The following PRRT1 variants were observed in gnomAD, a reference collection of about 807,000 sequenced individuals.
PRRT1 encodes proline rich transmembrane protein 1.
A neutral mutation model predicts 22.6 loss-of-function variants in PRRT1; 8 were observed. The ratio of observed to expected loss-of-function variants is 0.35; its 90% CI spans 0.21 to 0.64. PRRT1 has a LOEUF of 0.64. Ranked by LOEUF, PRRT1 falls within the 30% of genes least tolerant of loss-of-function variation. The pLI, the probability that PRRT1 is intolerant of heterozygous loss-of-function variation, is 0.69. For missense variants in PRRT1, 315 were observed against 444.5 expected (o/e 0.71, Z 2.62); for synonymous variants, 176 against 203.6 (o/e 0.86, Z 1.15).
chr6:32,150,579 G>C lies in PRRT1; in HGVS notation c.347C>G (p.Thr116Ser), dbSNP rs1783205013. The C allele has an allele frequency of 1.5e-6, 2 of 1,368,356 alleles. No individual in the cohort carries two copies. The highest frequency in any genetic ancestry group is 8.0e-5 in the Admixed American group (2 of 24,894). 84.8% of individuals were successfully genotyped at this position (1,368,356 alleles called of 1,614,324 possible). A position where few individuals can be genotyped will look rare whatever the true frequency, so the allele number is the denominator to read the frequency against. ...RMPPDPYLQE[T>S]RFEGPLPPPP... ...CGGGGGAAGTGGGCCCTCGAAGCGA[G>C]TCTCCTGCAGGTAAGGGTCGGGTGG... Residue 116 changes from threonine (T) to serine (S), a missense_variant, in exon 2 of 4, where the codon ACT (threonine) becomes AGT (serine). Thr to Ser is a moderately conservative substitution (Grantham distance 58). This residue lies in a region of PRRT1 where 263 missense variants were observed against 328.5 expected (regional missense o/e 0.80). Transcript: ENST00000211413. This position sits in a 1 kb window ranked among gnomAD's most constrained non-coding sequence, Gnocchi z 7.2.
At position 32,151,850 on chromosome 6, in the gene PRRT1, G is replaced by A; in HGVS notation, c.-23C>T. ...CATGCCTGCGGTCTCGCTGGGACAGGGTCCCTGCAGCCGGAGTGGGGGTCC... is the reference window on the plus strand; with the variant it reads ...CATGCCTGCGGTCTCGCTGGGACAGAGTCCCTGCAGCCGGAGTGGGGGTCC... On this transcript the variant is annotated 5_prime_UTR_variant, in exon 1 of 4. Coordinates refer to ENST00000211413, the MANE Select transcript of PRRT1 (RefSeq NM_030651.4). 1 of 1,609,098 alleles carries A rather than the reference G, an allele frequency of 6.2e-7. No individual in the cohort carries two copies. Among genetic ancestry groups the A allele is most frequent in the Non-Finnish European group, 8.5e-7 (1 of 1,178,146 alleles).
Position 32,150,755 on chromosome 6 carries a change from C to A in PRRT1, c.171G>T (p.Pro57=). The change falls in exon 2 of 4, where the codon CCG becomes CCT. Residue 57 remains proline (P), a synonymous_variant. Coordinates refer to ENST00000211413, the MANE Select transcript of PRRT1 (RefSeq NM_030651.4). The surrounding 1 kb of genome is among the most constrained non-coding windows in gnomAD (Gnocchi z 7.2). ...AGGCCAGGCCCCCTGCCCCTAAGCGCGGGAGGGTGGCGGTGCCAGACTGAT... is the reference window on the plus strand; with the variant it reads ...AGGCCAGGCCCCCTGCCCCTAAGCGAGGGAGGGTGGCGGTGCCAGACTGAT... ...HYHQSGTATL[P]RLGAGGLASS... is the part of the protein sequence containing the mutation. 1.3e-6 allele frequency: 2 copies of A among 1,536,562 alleles called. No individual in the cohort carries two copies. Among genetic ancestry groups the A allele is most frequent in the Non-Finnish European group, 8.8e-7 (1 of 1,140,742 alleles).
At chr6:32,151,180 T>C (rs1285771760) in intron 1 of PRRT1, 3 of 676,966 alleles carry the variant, frequency 4.4e-6, no homozygotes, top group Non-Finnish European at 8.0e-6. Context: ...TGCACCCAGC[T>C]CTCACCTGCA....
intron 1 of PRRT1, chr6:32,151,259 G>C (rs1023283430): frequency 1.5e-5 from 8 of 551,560 alleles, no homozygotes; most frequent in South Asian, 7.9e-5. Context: ...CTGTGTGTGC[G>C]TATGCGTAGA....
rs1405016436 is a variant in PRRT1 at position 32,148,537 on chromosome 6, G to T, written c.*685C>A. 1 of 331,590 alleles carries T rather than the reference G, an allele frequency of 3.0e-6. No homozygotes were observed. The highest frequency in any genetic ancestry group is 6.0e-6 in the Non-Finnish European group (1 of 166,164). The allele number at this position is 331,590 out of a possible 1,614,324, so 20.5% of individuals were successfully genotyped here. A position where few individuals can be genotyped will look rare whatever the true frequency, so the allele number is the denominator to read the frequency against. On this transcript the variant is annotated 3_prime_UTR_variant, in exon 4 of 4. Transcript: ENST00000211413. This position sits in a 1 kb window ranked among gnomAD's most constrained non-coding sequence, Gnocchi z 5.7. ...GGATGGGTGGAAGGGAGTATTTACAGAGCGTTTACAGGCAGGTTTCTTATC... is the reference window on the plus strand; with the variant it reads ...GGATGGGTGGAAGGGAGTATTTACATAGCGTTTACAGGCAGGTTTCTTATC...
rs1173766054 is a variant in PRRT1, at chr6:32,150,655, C to T, written c.271G>A (p.Gly91Ser). Residue 91 changes from glycine (G) to serine (S), a missense_variant, in exon 2 of 4, where the codon GGC (glycine) becomes AGC (serine). Around this residue, in one of 4 missense-constraint regions of PRRT1, gnomAD observed 263 missense variants for 328.5 expected, o/e 0.80. Coordinates refer to ENST00000211413, the MANE Select transcript of PRRT1 (RefSeq NM_030651.4). The surrounding 1 kb of genome is among the most constrained non-coding windows in gnomAD (Gnocchi z 7.2). The stretch of plus-strand genomic sequence containing the variant: ...GGTGGGGGTGCCCCGGCAGCAGGGC[C>T]GGGAGGGGCGTGGTGGGGGGGCCTC... ...LPRPPHHAPP[G>S]PAAGAPPPGC... The T allele has an allele frequency of 8.9e-7, 1 of 1,129,114 alleles. No homozygotes were observed. The allele number at this position is 1,129,114 out of a possible 1,614,324, so 69.9% of individuals were successfully genotyped here.
In PRRT1 at chr6:32,149,238, T is replaced by A; in HGVS notation, c.905A>T (p.Asn302Ile). Reference protein sequence around the residue: ...VIIIAAQHHENYWDP With the variant: ...VIIIAAQHHEIYWDP Reference sequence around the variant, plus strand: ...GGGGCGTTTTTAGGGATCCCAGTAGTTCTCGTGGTGCTGCGCGGCGATGAT... The same window carrying A: ...GGGGCGTTTTTAGGGATCCCAGTAGATCTCGTGGTGCTGCGCGGCGATGAT... The change falls in exon 4 of 4, where the codon AAC becomes ATC. Residue 302 changes from asparagine (N) to isoleucine (I), a missense_variant. This residue lies in a region of PRRT1 where 24 missense variants were observed against 38.2 expected (regional missense o/e 0.63). Coordinates refer to ENST00000211413, the MANE Select transcript of PRRT1 (RefSeq NM_030651.4). This position sits in a 1 kb window ranked among gnomAD's most constrained non-coding sequence, Gnocchi z 8.7. The A allele has an allele frequency of 1.2e-6, 2 of 1,611,708 alleles. No homozygotes were observed. The highest frequency in any genetic ancestry group is 1.7e-6 in the Non-Finnish European group (2 of 1,179,782).
At position 32,149,664 on chromosome 6, in the gene PRRT1, G is replaced by C; in HGVS notation, c.617C>G (p.Pro206Arg). Residue 206 changes from proline (P) to arginine (R), a missense_variant, in exon 3 of 4, where the codon CCC becomes CGC. Physicochemically the swap from Pro to Arg is moderately radical, Grantham distance 103. Around this residue, in one of 4 missense-constraint regions of PRRT1, gnomAD observed 263 missense variants for 328.5 expected, o/e 0.80. Transcript: ENST00000211413. This position sits in a 1 kb window ranked among gnomAD's most constrained non-coding sequence, Gnocchi z 8.7. ...CAGTAGGGCCAGCCCTGGGCCCTGG[G>C]GCGGCGGGGGGAGAGTGGAGGTCAC... ...TGVTSTLPPP[P>R]QGPGLALLEP... 6.2e-7 allele frequency: 1 copy of C among 1,612,100 alleles called. No individual in the cohort carries two copies. Among genetic ancestry groups the C allele is most frequent in the Non-Finnish European group, 8.5e-7 (1 of 1,179,586 alleles).
In PRRT1 at chr6:32,149,385, A is replaced by G; in HGVS notation, c.758T>C (p.Leu253Ser). The G allele has an allele frequency of 6.2e-7, 1 of 1,601,618 alleles. No homozygotes were observed. Among genetic ancestry groups the G allele is most frequent in the Non-Finnish European group, 8.5e-7 (1 of 1,171,480 alleles). The change falls in exon 4 of 4, where the codon TTG (leucine) becomes TCG (serine). Residue 253 changes from leucine (L) to serine (S), a missense_variant. Physicochemically the swap from Leu to Ser is moderately radical, Grantham distance 145. Transcript: ENST00000211413. The surrounding 1 kb of genome is among the most constrained non-coding windows in gnomAD (Gnocchi z 8.7). ...GGCCGACACCATGTCTCCGCGGGCC[A>G]AGGCCGTGCGCACCTACGGAGGAGG... ...IFKAVQVRTA[L>S]ARGDMVSAEI...
At chr6:32,152,116 T>A (rs775722316), upstream of PRRT1, 5 of 696,182 alleles carry the variant, frequency 7.2e-6, no homozygotes, top group Non-Finnish European at 1.3e-5. Flanking sequence ...AGCCCCCAGT[T>A]TGGGTTCCTT....
chr6:32,149,666 C>A lies in PRRT1; in HGVS notation c.615G>T (p.Pro205=), dbSNP rs1418477812. The A allele has an allele frequency of 2.5e-6, 4 of 1,611,660 alleles. No individual in the cohort carries two copies. The highest frequency in any genetic ancestry group is 3.4e-6 in the Non-Finnish European group (4 of 1,179,406). The change falls in exon 3 of 4, where the codon CCG becomes CCT. Residue 205 remains proline (P), a synonymous_variant. Transcript: ENST00000211413. This position sits in a 1 kb window ranked among gnomAD's most constrained non-coding sequence, Gnocchi z 8.7. The part of the protein sequence containing the change: ...GTGVTSTLPP[P]PQGPGLALLE... ...GTAGGGCCAGCCCTGGGCCCTGGGGCGGCGGGGGGAGAGTGGAGGTCACTC... is the reference window on the plus strand; with the variant it reads ...GTAGGGCCAGCCCTGGGCCCTGGGGAGGCGGGGGGAGAGTGGAGGTCACTC...
rs753891829 is a variant in PRRT1 at position 32,149,161 on chromosome 6, T to A, written c.*61A>T. 15 of 1,569,858 alleles carry A rather than the reference T, an allele frequency of 9.6e-6. No individual in the cohort carries two copies. In the South Asian group the frequency reaches 1.7e-4, roughly 18 times the overall value. On this transcript the variant is annotated 3_prime_UTR_variant, in exon 4 of 4. Coordinates refer to ENST00000211413, the MANE Select transcript of PRRT1 (RefSeq NM_030651.4). This position sits in a 1 kb window ranked among gnomAD's most constrained non-coding sequence, Gnocchi z 8.7. ...CAGGGCGCCCATTGGGTCCGCGGTA[T>A]GACTGCAGAAAGAGCCTGGGAGATC...
rs1489878082 is a variant in PRRT1 at position 32,149,669 on chromosome 6, C to T, written c.612G>A (p.Pro204=). Residue 204 remains proline (P), a synonymous_variant, in exon 3 of 4, where the codon CCG becomes CCA. Transcript: ENST00000211413. The surrounding 1 kb of genome is among the most constrained non-coding windows in gnomAD (Gnocchi z 8.7). ...GGGCCAGCCCTGGGCCCTGGGGCGG[C>T]GGGGGGAGAGTGGAGGTCACTCCTG... ...GGTGVTSTLP[P]PPQGPGLALL... 4 of 1,610,802 alleles carry T rather than the reference C, an allele frequency of 2.5e-6. No homozygotes were observed. In the African/African-American group the frequency reaches 4.0e-5, roughly 16 times the overall value.
In PRRT1 at chr6:32,150,121, C is replaced by T. The variant is rs952819269; in HGVS notation, c.558+247G>A. 6.6e-6 allele frequency among the ~76,000 whole-genome samples: 1 copy of T among 151,982 alleles called. No individual in the cohort carries two copies. The highest frequency in any genetic ancestry group is 2.4e-5 in the African/African-American group (1 of 41,374). On this transcript the variant is annotated intron_variant, in intron 2 of 3. Transcript: ENST00000211413. The surrounding 1 kb of genome is among the most constrained non-coding windows in gnomAD (Gnocchi z 7.2). ...CGCCAGGCGGTTTCCTACTTTCAGACCTCCTCTGAACCTCTAGGCTCCGAT... is the reference window on the plus strand; with the variant it reads ...CGCCAGGCGGTTTCCTACTTTCAGATCTCCTCTGAACCTCTAGGCTCCGAT...
chr6:32,152,043 G>T, upstream of PRRT1: 1 of 652,482 alleles, frequency 1.5e-6, no homozygotes. Flanking sequence ...CGCTTCAGAT[G>T]TTTCCCACTC....
intron 1 of PRRT1, 101 bp from the exon 2 acceptor site, chr6:32,151,007 A>G: frequency 1.0e-6 from 1 of 953,992 alleles, no homozygotes; most frequent in Non-Finnish European, 1.6e-6. Flanking sequence ...ATGGAGAAAG[A>G]TAATGGGAGA....
Position 32,149,110 on chromosome 6 carries a change from G to T in PRRT1, c.*112C>A. On this transcript the variant is annotated 3_prime_UTR_variant, in exon 4 of 4. Transcript: ENST00000211413. The surrounding 1 kb of genome is among the most constrained non-coding windows in gnomAD (Gnocchi z 8.7). ...GAGGCGGAGTTTACGATGTATCCAAGTCTGACGGCCCCAGAAACGGGTGTG... is the reference window on the plus strand; with the variant it reads ...GAGGCGGAGTTTACGATGTATCCAATTCTGACGGCCCCAGAAACGGGTGTG... The T allele has an allele frequency of 8.7e-7, 1 of 1,149,844 alleles. No homozygotes were observed. The highest frequency in any genetic ancestry group is 1.3e-6 in the Non-Finnish European group (1 of 776,836). The allele number at this position is 1,149,844 out of a possible 1,614,324, so 71.2% of individuals were successfully genotyped here.
chr6:32,153,022 G>A (rs1783442231), upstream of PRRT1: 1 of 154,064 alleles, frequency 6.5e-6, no homozygotes, highest in Non-Finnish European at 1.4e-5. The surrounding 1 kb of genome is among the most constrained non-coding windows in gnomAD (Gnocchi z 4.4). Flanking sequence ...TGTCCTAGCA[G>A]AGACTACAGA....
chr6:32,150,702 G>A lies in PRRT1; in HGVS notation c.224C>T (p.Pro75Leu). 1 of 1,456,856 alleles carries A rather than the reference G, an allele frequency of 6.9e-7. No homozygotes were observed. Among genetic ancestry groups the A allele is most frequent in the Non-Finnish European group, 9.0e-7 (1 of 1,107,502 alleles). 90.2% of individuals were successfully genotyped at this position (1,456,856 alleles called of 1,614,324 possible). The change falls in exon 2 of 4, where the codon CCC becomes CTC. Residue 75 changes from proline to leucine, a missense_variant. Physicochemically the swap from Pro to Leu is moderately conservative, Grantham distance 98. Around this residue, in one of 4 missense-constraint regions of PRRT1, gnomAD observed 263 missense variants for 328.5 expected, o/e 0.80. Coordinates refer to ENST00000211413, the MANE Select transcript of PRRT1 (RefSeq NM_030651.4). This position sits in a 1 kb window ranked among gnomAD's most constrained non-coding sequence, Gnocchi z 7.2. ...CCTCGGCAGCGTGGCAGAGGAGGAG[G>A]GACCGCGCTGAGCGGTGGCCGCGGA... Reference protein sequence around the residue: ...ASSAATAQRGPSSSATLPRPP... With the variant: ...ASSAATAQRGLSSSATLPRPP...
Sources: gnomAD v4.1 joint callset for allele counts (sites outside exome capture counted in the v4.1 genomes callset) on GRCh38, gnomAD v4.1.1 for gene constraint, gnomAD v4.1.1 regional missense constraint, Gnocchi (gnomAD v3.1) non-coding constraint, MANE v1.5 for transcripts, NCBI Gene and HGNC (gene_info 2026-07-23, HGNC 2026-07-21) for gene names.